SEC24C: variants seen among roughly 807,000 people sequenced by gnomAD.
The protein encoded by SEC24C is SEC24 homolog C, COPII component.
Under a neutral mutation model 117.0 loss-of-function variants are expected in SEC24C, and 22 were observed. The ratio of observed to expected loss-of-function variants is 0.19; its 90% CI spans 0.13 to 0.27. The LOEUF is 0.27. SEC24C is among the 10% of genes least tolerant of loss of function. SEC24C has a pLI of 1.00. For synonymous variants in SEC24C, 506 were observed against 529.4 expected, an observed-to-expected ratio of 0.96 and a Z score of 0.61; for missense variants, 1,155 against 1,375.1, an observed-to-expected ratio of 0.84 and a Z score of 2.53.
intron 2 of SEC24C, among the ~76,000 whole-genome samples, chr10:73,750,568 T>C (rs1245112376): frequency 6.6e-6 from 1 of 152,184 alleles, no homozygotes; most frequent in African/African-American, 2.4e-5. Flanking sequence ...TCCTGAATCG[T>C]GCTGTTTCAT....
Position 73,766,137 on chromosome 10 carries a change from T to C in SEC24C, c.1534T>C (p.Tyr512His), listed in dbSNP as rs1486327528. The change falls in exon 11 of 23, where the codon TAC (tyrosine) becomes CAC (histidine). Residue 512 changes from tyrosine to histidine, a missense_variant. Coordinates refer to ENST00000345254, the MANE Select transcript of SEC24C (RefSeq NM_198597.3). ...CTTTATCTTCATGATTGACGTCTCC[T>C]ACAATGCCATCAGGACTGGTCTTGT... ...PAFIFMIDVS[Y>H]NAIRTGLVRL... is the part of the protein sequence containing the mutation. 1 of 1,613,830 alleles carries C rather than the reference T, an allele frequency of 6.2e-7. No homozygotes were observed. Among genetic ancestry groups the C allele is most frequent in the Admixed American group, 1.7e-5 (1 of 60,018 alleles).
chr10:73,766,918 G>A (rs546418470), intron 13 of SEC24C, 65 bp downstream of exon 13: 5 of 1,486,076 alleles, frequency 3.4e-6, no homozygotes, highest in Non-Finnish European at 3.8e-6. Flanking sequence ...TATCCCCTGG[G>A]ATACAACCTC....
intron 3 of SEC24C, among the ~76,000 whole-genome samples, chr10:73,754,110 A>G (rs991094893): frequency 6.6e-6 from 1 of 152,058 alleles, no homozygotes; most frequent in Non-Finnish European, 1.5e-5. Flanking sequence ...TAATCTAGAG[A>G]TGATTTAAAG....
At chr10:73,762,124 G>A in intron 6 of SEC24C, 1 of 1,289,778 alleles carries the variant, frequency 7.8e-7, no homozygotes, top group Non-Finnish European at 1.0e-6. Flanking sequence ...CTCCTCAGCA[G>A]AAAACCAGGC....
At position 73,767,242 on chromosome 10, in the gene SEC24C, T is replaced by C; in HGVS notation, c.2010+72T>C. 5 of 1,007,206 alleles carry C rather than the reference T, an allele frequency of 5.0e-6. No individual in the cohort carries two copies. The South Asian group carries it at 6.6e-5, about 13-fold the overall frequency. 62.4% of individuals were successfully genotyped at this position (1,007,206 alleles called of 1,614,324 possible). A position where few individuals can be genotyped will look rare whatever the true frequency, so the allele number is the denominator to read the frequency against. Reference sequence around the variant, plus strand: ...GGAAGTGGGGACTCTACTTTCTTGATGGTGGCTAGGACCAGACACTCCACC... The same window carrying C: ...GGAAGTGGGGACTCTACTTTCTTGACGGTGGCTAGGACCAGACACTCCACC... On this transcript the variant is annotated intron_variant, in intron 14 of 22. Coordinates refer to ENST00000345254, the MANE Select transcript of SEC24C (RefSeq NM_198597.3).
intron 3 of SEC24C, among the ~76,000 whole-genome samples, chr10:73,755,009 T>C (rs1343440942): frequency 6.6e-6 from 1 of 152,074 alleles, no homozygotes; most frequent in Non-Finnish European, 1.5e-5. Context: ...GGCACATGCC[T>C]GTGGTCCCAG....
At position 73,746,747 on chromosome 10, in the gene SEC24C, C is replaced by G. The variant is rs1025794317; in HGVS notation, c.-28-58C>G. The G allele has an allele frequency of 2.4e-6, 3 of 1,236,352 alleles. No homozygotes were observed. In the Admixed American group the frequency reaches 6.7e-5, roughly 28 times the overall value. The allele number at this position is 1,236,352 out of a possible 1,614,324, so 76.6% of individuals were successfully genotyped here. A position where few individuals can be genotyped will look rare whatever the true frequency, so the allele number is the denominator to read the frequency against. ...TTTCTTTTTATCTCTACTTCCTGCC[C>G]TGAATAGTTGCTCTCTTTAGAAAGT... On this transcript the variant is annotated intron_variant, in intron 1 of 22. Transcript: ENST00000345254.
At chr10:73,762,318 A>C (rs2082809983) in intron 6 of SEC24C, among the ~76,000 whole-genome samples, 1 of 152,102 alleles carries the variant, frequency 6.6e-6, no homozygotes, top group African/African-American at 2.4e-5. Context: ...CTTATACAAG[A>C]TAAAAGGATA....
Position 73,770,349 on chromosome 10 carries a change from G to A in SEC24C, c.2932G>A (p.Gly978Arg). The change falls in exon 21 of 23, where the codon GGG becomes AGG. Residue 978 changes from glycine (G) to arginine (R), a missense_variant. Physicochemically the swap from Gly to Arg is moderately radical, Grantham distance 125 (BLOSUM62 -2). Transcript: ENST00000345254. ...VRASEERLSN[G>R]DIYLLENGLN... ...AGCCTCTGAAGAGCGTCTAAGCAAT[G>A]GGGATATATATTTACTGGAGAATGG... The A allele has an allele frequency of 1.9e-6, 3 of 1,613,808 alleles. No individual in the cohort carries two copies. Among genetic ancestry groups the A allele is most frequent in the East Asian group, 4.5e-5 (2 of 44,878 alleles).
At chr10:73,746,674 T>C in intron 1 of SEC24C, 131 bp from the exon 2 acceptor site, 1 of 539,056 alleles carries the variant, frequency 1.9e-6, no homozygotes, top group South Asian at 3.8e-5. Context: ...ACTAAGATCC[T>C]GTGGAAGTGT....
At chr10:73,750,731 T>C (rs1037409618) in intron 2 of SEC24C, among the ~76,000 whole-genome samples, 6 of 152,244 alleles carry the variant, frequency 3.9e-5, no homozygotes, top group Non-Finnish European at 8.8e-5. Flanking sequence ...CTTTTTCATA[T>C]ATGCTCCAAG....
chr10:73,767,861 G>C lies in SEC24C; in HGVS notation c.2035G>C (p.Ala679Pro). The change falls in exon 15 of 23, where the codon GCC becomes CCC. Residue 679 changes from alanine to proline, a missense_variant. Coordinates refer to ENST00000345254, the MANE Select transcript of SEC24C (RefSeq NM_198597.3). ...EKTLFQPQTG[A>P]YQTLAKECVA... ...GACTCTGTTCCAGCCTCAGACAGGT[G>C]CCTATCAGACCCTGGCCAAAGAGTG... The C allele has an allele frequency of 6.2e-7, 1 of 1,612,522 alleles. No homozygotes were observed. The highest frequency in any genetic ancestry group is 1.3e-5 in the African/African-American group (1 of 74,964).
intron 22 of SEC24C, 66 bp downstream of exon 22, chr10:73,770,864 T>C (rs1446594970): frequency 1.9e-6 from 3 of 1,612,190 alleles, no homozygotes; most frequent in Non-Finnish European, 1.7e-6. Context: ...GGGGGTTGGG[T>C]GGGGAATGAG....
At chr10:73,750,102 C>G (rs2082623063) in intron 2 of SEC24C, among the ~76,000 whole-genome samples, 1 of 152,152 alleles carries the variant, frequency 6.6e-6, no homozygotes, top group African/African-American at 2.4e-5. Context: ...TTGGAAGAAC[C>G]TTAATTCTAA....
chr10:73,760,177 C>T lies in SEC24C; in HGVS notation c.641C>T (p.Thr214Ile), dbSNP rs371644527. Residue 214 changes from threonine (T) to isoleucine (I), a missense_variant, in exon 5 of 23, where the codon ACA becomes ATA. Physicochemically the swap from Thr to Ile is moderately conservative, Grantham distance 89. This residue lies in a region of SEC24C where 396 missense variants were observed against 382.8 expected (regional missense o/e 1.03). Coordinates refer to ENST00000345254, the MANE Select transcript of SEC24C (RefSeq NM_198597.3). ...GCCCCATCACAGGCCTCCAGCTTCA[C>T]ACCCCCAGCTTCAGGGGGTCCTCGG... ...RSAPSQASSF[T>I]PPASGGPRLP... The T allele has an allele frequency of 2.8e-5, 46 of 1,614,172 alleles. No homozygotes were observed. In the African/African-American group the frequency reaches 5.6e-4, roughly 20 times the overall value.
chr10:73,746,164 A>AC (rs1449980708), intron 1 of SEC24C, among the ~76,000 whole-genome samples: 2 of 151,146 alleles, frequency 1.3e-5, no homozygotes, highest in Non-Finnish European at 1.5e-5. Context: ...GTCTCAAAAA[A>AC]AAAAAAAAAA....
At chr10:73,765,074 C>A (rs1231181059) in intron 8 of SEC24C, among the ~76,000 whole-genome samples, 2 of 152,136 alleles carry the variant, frequency 1.3e-5, no homozygotes, top group Admixed American at 1.3e-4. Flanking sequence ...GAGCTGGAAT[C>A]AAGATTCTTA....
intron 22 of SEC24C, 55 bp downstream of exon 22, chr10:73,770,853 T>C (rs1450240926): frequency 1.2e-6 from 2 of 1,610,234 alleles, no homozygotes; most frequent in East Asian, 2.2e-5. Flanking sequence ...CACCTAGAAG[T>C]GGGGGTTGGG....
At chr10:73,764,900 T>G (rs1035090218) in intron 8 of SEC24C, among the ~76,000 whole-genome samples, 6 of 152,248 alleles carry the variant, frequency 3.9e-5, no homozygotes, top group Admixed American at 2.0e-4. Context: ...TCTGCTTATC[T>G]CTCCGTCTTT....
Sources: gnomAD v4.1 joint callset for allele counts (sites outside exome capture counted in the v4.1 genomes callset) on GRCh38, gnomAD v4.1.1 for gene constraint, gnomAD v4.1.1 regional missense constraint, MANE v1.5 for transcripts, NCBI Gene and HGNC (gene_info 2026-07-23, HGNC 2026-07-21) for gene names.